The following ROBO2 variants were observed in gnomAD, a reference collection of about 807,000 sequenced individuals.
ROBO2 encodes the protein roundabout homolog 2.
In ROBO2, 53 loss-of-function variants were observed where a neutral mutation model predicts 160.8. The ratio of observed to expected loss-of-function variants is 0.33; its 90% CI spans 0.26 to 0.41. The LOEUF is 0.41. ROBO2 is among the 10% of genes least tolerant of loss of function. The probability of loss-of-function intolerance (pLI) is 1.00; values close to 1 mark genes in which losing one functional copy is unlikely to be tolerated. For synonymous variants in ROBO2, 664 were observed against 611.7 expected, an observed-to-expected ratio of 1.09 and a Z score of -1.26; for missense variants, 1,577 against 1,722.4, an observed-to-expected ratio of 0.92 and a Z score of 1.49.
At chr3:76,075,113 T>G (rs2068601693) in intron 2 of ROBO2, among the ~76,000 whole-genome samples, 1 of 151,896 alleles carries the variant, frequency 6.6e-6, no homozygotes, top group Non-Finnish European at 1.5e-5. Flanking sequence ...ACGACATTGC[T>G]TCCCTGCATG....
intron 2 of ROBO2, among the ~76,000 whole-genome samples, chr3:76,872,808 T>C (rs1159124382): frequency 6.6e-6 from 1 of 152,038 alleles, no homozygotes; most frequent in Non-Finnish European, 1.5e-5. Flanking sequence ...CACCCTTTCT[T>C]TTGTTGCTTT....
At chr3:76,212,839 G>A (rs1703232163) in intron 2 of ROBO2, among the ~76,000 whole-genome samples, 1 of 63,416 alleles carries the variant, frequency 1.6e-5, no homozygotes, top group Non-Finnish European at 3.2e-5. Context: ...ACTAACCCAT[G>A]GAGCCTCTCT....
At chr3:76,815,208 A>G (rs1201875470) in intron 2 of ROBO2, among the ~76,000 whole-genome samples, 2 of 152,050 alleles carry the variant, frequency 1.3e-5, no homozygotes, top group Non-Finnish European at 1.5e-5. Context: ...CTGGAATTCT[A>G]AATATAAAAT....
At chr3:76,075,353 G>C (rs1576753204) in intron 2 of ROBO2, among the ~76,000 whole-genome samples, 1 of 151,776 alleles carries the variant, frequency 6.6e-6, no homozygotes, top group African/African-American at 2.4e-5. Context: ...ATGCAGAGTA[G>C]AGAATCTCTG....
intron 2 of ROBO2, among the ~76,000 whole-genome samples, chr3:77,467,161 C>T (rs1459796498): frequency 6.6e-6 from 1 of 152,084 alleles, no homozygotes; most frequent in Non-Finnish European, 1.5e-5. Context: ...AAATGGACAA[C>T]TATAGCTATA....
At chr3:77,108,678 C>T (rs80058210) in intron 2 of ROBO2, among the ~76,000 whole-genome samples, 114 of 152,000 alleles carry the variant, frequency 7.5e-4, no homozygotes, top group African/African-American at 2.6e-3. Context: ...GAGGAGGGGC[C>T]GCAAGTTGCT....
Position 76,636,713 on chromosome 3 carries a change from G to T in ROBO2, c.110-461301G>T, listed in dbSNP as rs947163568. On this transcript the variant is annotated intron_variant, in intron 2 of 26. Transcript: ENST00000487694. Reference sequence around the variant, plus strand: ...GATTCCTACAGGTGGCTTGTCAAAAGCCACAGTAGGACCCAACCATAGCTC... The same window carrying T: ...GATTCCTACAGGTGGCTTGTCAAAATCCACAGTAGGACCCAACCATAGCTC... Among the ~76,000 whole-genome samples the T allele has an allele frequency of 2.6e-5, 4 of 152,126 alleles. No homozygotes were observed. In the East Asian group the frequency reaches 7.7e-4, roughly 29 times the overall value.
chr3:77,349,154 A>G (rs151182952), intron 2 of ROBO2, among the ~76,000 whole-genome samples: 8 of 152,316 alleles, frequency 5.3e-5, no homozygotes, highest in African/African-American at 1.7e-4. Flanking sequence ...ATAGGTGGTC[A>G]ATAAATAATA....
chr3:76,897,581 A>G (rs1298793367), intron 2 of ROBO2, among the ~76,000 whole-genome samples: 4 of 152,150 alleles, frequency 2.6e-5, no homozygotes, highest in Non-Finnish European at 5.9e-5. Flanking sequence ...TAGGGAAAAA[A>G]AGTACCTCAG....
chr3:76,114,348 G>A (rs751132687), intron 2 of ROBO2, among the ~76,000 whole-genome samples: 1 of 152,016 alleles, frequency 6.6e-6, no homozygotes, highest in African/African-American at 2.4e-5. Context: ...GGAATAAATT[G>A]ATTCTATCCA....
At chr3:76,649,741 T>C (rs1439352220) in intron 2 of ROBO2, among the ~76,000 whole-genome samples, 1 of 149,052 alleles carries the variant, frequency 6.7e-6, no homozygotes, top group Non-Finnish European at 1.5e-5. Context: ...TTTTGAAACA[T>C]TTACATTAAA....
intron 2 of ROBO2, among the ~76,000 whole-genome samples, chr3:76,109,958 T>C (rs969610378): frequency 2.0e-5 from 3 of 151,932 alleles, no homozygotes; most frequent in Non-Finnish European, 4.4e-5. Flanking sequence ...GATGATAGCC[T>C]CCAGTTCCAT....
At chr3:77,649,671 A>T (rs1263181058) in exon 26 of ROBO2, 1 of 152,170 alleles carries the variant, frequency 6.6e-6, no homozygotes, top group African/African-American at 2.4e-5. Flanking sequence ...AAAGATGTTC[A>T]ATTTACTAAT....
chr3:77,071,889 T>G (rs1199923110), intron 1 of ROBO2, among the ~76,000 whole-genome samples: 1 of 152,116 alleles, frequency 6.6e-6, no homozygotes, highest in Non-Finnish European at 1.5e-5. Flanking sequence ...ACAGTCATCT[T>G]CTAGCTACAC....
chr3:76,725,818 A>G (rs1230777237), intron 2 of ROBO2, among the ~76,000 whole-genome samples: 1 of 152,198 alleles, frequency 6.6e-6, no homozygotes, highest in Non-Finnish European at 1.5e-5. Context: ...TATTTCCCCT[A>G]GAGTATCCAC....
intron 2 of ROBO2, among the ~76,000 whole-genome samples, chr3:77,401,263 T>TTAAA (rs1553938229): frequency 1.4e-5 from 2 of 147,730 alleles, no homozygotes; most frequent in East Asian, 2.0e-4. Context: ...TGTTTGTATT[T>TTAAA]AAAAAAAAAA....
intron 2 of ROBO2, among the ~76,000 whole-genome samples, chr3:75,966,941 A>G (rs953905872): frequency 6.6e-6 from 1 of 151,702 alleles, no homozygotes; most frequent in Non-Finnish European, 1.5e-5. Flanking sequence ...TTCGGTCTCT[A>G]CAGATAGTTT....
At chr3:77,513,014 A>G (rs1460381744) in intron 5 of ROBO2, among the ~76,000 whole-genome samples, 1 of 151,880 alleles carries the variant, frequency 6.6e-6, no homozygotes, top group African/African-American at 2.4e-5. Context: ...AAAACTAAAC[A>G]TGTTGAGAAA....
chr3:77,244,004 G>A (rs1168559555), intron 2 of ROBO2, among the ~76,000 whole-genome samples: 1 of 152,112 alleles, frequency 6.6e-6, no homozygotes, highest in Non-Finnish European at 1.5e-5. Flanking sequence ...TTCAAAATTG[G>A]ATTGCTTCTT....
Sources: gnomAD v4.1 joint callset for allele counts (sites outside exome capture counted in the v4.1 genomes callset) on GRCh38, gnomAD v4.1.1 for gene constraint, MANE v1.5 for transcripts, NCBI Gene and HGNC (gene_info 2026-07-23, HGNC 2026-07-21) for gene names.